The following RAP1GAP2 variants were observed in gnomAD, a reference collection of about 807,000 sequenced individuals.
The protein encoded by RAP1GAP2 is rap1 GTPase-activating protein 2.
Under a neutral mutation model 95.0 loss-of-function variants are expected in RAP1GAP2, and 27 were observed. The ratio of observed to expected loss-of-function variants is 0.28; its 90% CI spans 0.21 to 0.39. The LOEUF is 0.39. Ranked by LOEUF, RAP1GAP2 falls within the 10% of genes least tolerant of loss-of-function variation. The pLI is 1.00. For synonymous variants in RAP1GAP2, 373 were observed against 380.9 expected (o/e 0.98, Z 0.24); for missense variants, 771 against 970.0 (o/e 0.79, Z 2.72).
At chr17:2,816,230 TG>T (rs1677887707) in intron 2 of RAP1GAP2, among the ~76,000 whole-genome samples, 1 of 150,744 alleles carries the variant, frequency 6.6e-6, no homozygotes, top group South Asian at 2.1e-4. Context: ...GGTGCTGTTT[TG>T]TTTTGTTTTT....
intron 3 of RAP1GAP2, among the ~76,000 whole-genome samples, chr17:2,945,221 TATTG>T (rs527563459): frequency 4.0e-5 from 6 of 151,846 alleles, no homozygotes; most frequent in Admixed American, 6.6e-5. Context: ...TCTGATTGTT[TATTG>T]ATTGTTTATT....
At chr17:3,023,260 T>G (rs1303475874) in intron 19 of RAP1GAP2, among the ~76,000 whole-genome samples, 1 of 152,238 alleles carries the variant, frequency 6.6e-6, no homozygotes, top group Non-Finnish European at 1.5e-5. Context: ...TTTTGATGTC[T>G]TTCTGATTCT....
chr17:2,843,576 C>T (rs951506100), intron 2 of RAP1GAP2, among the ~76,000 whole-genome samples: 6 of 148,826 alleles, frequency 4.0e-5, no homozygotes, highest in Non-Finnish European at 7.5e-5. Flanking sequence ...TGTGAGCCAC[C>T]GTGCCCGGCC....
intron 2 of RAP1GAP2, among the ~76,000 whole-genome samples, chr17:2,845,225 C>A (rs2071535405): frequency 6.6e-6 from 1 of 152,186 alleles, no homozygotes; most frequent in African/African-American, 2.4e-5. Flanking sequence ...TGACTGCAAC[C>A]TCTGCCTCCC....
intron 1 of RAP1GAP2, among the ~76,000 whole-genome samples, chr17:2,760,036 G>A (rs1446452501): frequency 2.6e-5 from 4 of 152,038 alleles, no homozygotes. Flanking sequence ...TGCTCATGCT[G>A]CGATTAACAA....
intron 2 of RAP1GAP2, among the ~76,000 whole-genome samples, chr17:2,770,841 G>A (rs1263882271): frequency 6.6e-6 from 1 of 152,134 alleles, no homozygotes; most frequent in Non-Finnish European, 1.5e-5. Context: ...AGGAGTTCAA[G>A]AGCAGCCTGG....
intron 11 of RAP1GAP2, among the ~76,000 whole-genome samples, chr17:2,986,767 A>C (rs1567859517): frequency 1.3e-5 from 2 of 152,174 alleles, no homozygotes; most frequent in African/African-American, 4.8e-5. Flanking sequence ...GCCAGGATCA[A>C]AATAATGGCA....
intron 8 of RAP1GAP2, among the ~76,000 whole-genome samples, chr17:2,967,414 A>G (rs1471312715): frequency 1.3e-5 from 2 of 152,140 alleles, no homozygotes; most frequent in Non-Finnish European, 1.5e-5. Context: ...AACAACAAAA[A>G]GCAATGTCGT....
intron 3 of RAP1GAP2, among the ~76,000 whole-genome samples, chr17:2,913,424 G>C (rs1186673634): frequency 6.6e-6 from 1 of 152,112 alleles, no homozygotes; most frequent in Non-Finnish European, 1.5e-5. Context: ...GAGTAGCTGG[G>C]ATTACAGGCA....
chr17:2,989,008 G>A (rs904240808), intron 11 of RAP1GAP2, among the ~76,000 whole-genome samples: 5 of 151,988 alleles, frequency 3.3e-5, no homozygotes, highest in African/African-American at 4.8e-5. Context: ...GCCGTGAGCC[G>A]AGATTGCACC....
intron 5 of RAP1GAP2, chr17:2,962,971 T>TGTCATTGAAGA: frequency 1.9e-6 from 1 of 518,156 alleles, no homozygotes; most frequent in South Asian, 2.8e-5. Context: ...GGCTTGGCCG[T>TGTCATTGAAGA]TTGGCCCGGC....
chr17:2,824,174 G>A (rs1418414658), intron 2 of RAP1GAP2, among the ~76,000 whole-genome samples: 1 of 146,226 alleles, frequency 6.8e-6, no homozygotes, highest in Non-Finnish European at 1.5e-5. Context: ...TGGGCCAGGT[G>A]TGGTGGCTCA....
chr17:3,010,378 T>C (rs1052013545), intron 17 of RAP1GAP2, among the ~76,000 whole-genome samples: 1 of 149,150 alleles, frequency 6.7e-6, no homozygotes, highest in Non-Finnish European at 1.5e-5. Flanking sequence ...TGAGCTGCAG[T>C]TGGGGAGCCA....
intron 2 of RAP1GAP2, among the ~76,000 whole-genome samples, chr17:2,836,093 G>C (rs1465652906): frequency 6.6e-6 from 1 of 152,132 alleles, no homozygotes; most frequent in African/African-American, 2.4e-5. Context: ...CTCCTGGGAA[G>C]TTGTCCCCAT....
At position 2,866,492 on chromosome 17, in the gene RAP1GAP2, T is replaced by G. The variant is rs907415882; in HGVS notation, c.81-38792T>G. 2.0e-5 allele frequency among the ~76,000 whole-genome samples: 3 copies of G among 152,266 alleles called. No individual in the cohort carries two copies. Among genetic ancestry groups the G allele is most frequent in the African/African-American group, 7.2e-5 (3 of 41,478 alleles). On this transcript the variant is annotated intron_variant, in intron 2 of 24. Coordinates refer to ENST00000254695, the MANE Select transcript of RAP1GAP2 (RefSeq NM_015085.5). The surrounding 1 kb of genome is among the most constrained non-coding windows in gnomAD (Gnocchi z 4.0). ...CAATTCTGTAACATTTGTGTTATTG[T>G]GATTTTTATTAAATAGAGGTTTGGG...
intron 3 of RAP1GAP2, among the ~76,000 whole-genome samples, chr17:2,915,490 T>G (rs1386576375): frequency 1.3e-5 from 2 of 151,760 alleles, no homozygotes; most frequent in African/African-American, 4.8e-5. Context: ...CCACCTTGGC[T>G]TTCCAAAGTG....
At chr17:2,961,440 G>T (rs1018228795) in intron 4 of RAP1GAP2, among the ~76,000 whole-genome samples, 3 of 152,268 alleles carry the variant, frequency 2.0e-5, no homozygotes, top group African/African-American at 7.2e-5. Context: ...GCTTGAACCT[G>T]GGAGGTGGAG....
intron 11 of RAP1GAP2, among the ~76,000 whole-genome samples, chr17:2,987,809 A>C (rs564761353): frequency 6.6e-6 from 1 of 152,236 alleles, no homozygotes; most frequent in Non-Finnish European, 1.5e-5. Flanking sequence ...TGTTGAAGGC[A>C]TGGAGCCCAA....
At chr17:2,791,835 A>C (rs548548506), upstream of RAP1GAP2, among the ~76,000 whole-genome samples, 25 of 150,042 alleles carry the variant, frequency 1.7e-4, no homozygotes, top group African/African-American at 5.6e-4. Context: ...GGCCTGCTTC[A>C]CAGACCGCTT....
Sources: allele counts gnomAD v4.1 joint callset (sites outside exome capture counted in the v4.1 genomes callset), GRCh38; gene constraint gnomAD v4.1.1; non-coding constraint Gnocchi (gnomAD v3.1); transcripts MANE v1.5; gene names NCBI Gene and HGNC (gene_info 2026-07-23, HGNC 2026-07-21).